The following PSMA2 variants were observed in gnomAD, a reference collection of about 807,000 sequenced individuals.
PSMA2 encodes the protein proteasome 20S subunit alpha 2.
Under a neutral mutation model 35.9 loss-of-function variants are expected in PSMA2, and 2 were observed. The ratio of observed to expected loss-of-function variants is 0.06; its 90% confidence interval spans 0.02 to 0.18. PSMA2 has a LOEUF of 0.18. PSMA2 is among the 10% of genes least tolerant of loss of function. The pLI is 1.00. For missense variants in PSMA2, 126 were observed against 278.8 expected (o/e 0.45, Z 3.90); for synonymous variants, 97 against 98.2 (o/e 0.99, Z 0.07).
chr7:42,925,700 T>C (rs1477826972), intron 3 of PSMA2, among the ~76,000 whole-genome samples: 2 of 152,240 alleles, frequency 1.3e-5, no homozygotes, highest in Non-Finnish European at 1.5e-5. Context: ...CATATACTAC[T>C]GATCTGAAAT....
chr7:42,929,563 T>C (rs955096617), intron 1 of PSMA2, among the ~76,000 whole-genome samples: 18 of 152,178 alleles, frequency 1.2e-4, no homozygotes, highest in Non-Finnish European at 1.9e-4. Flanking sequence ...TCCCATTCCA[T>C]AGCATCAGCA....
chr7:42,923,214 G>C (rs956335964), intron 5 of PSMA2, 111 bp downstream of exon 5: 4 of 831,910 alleles, frequency 4.8e-6, no homozygotes, highest in Non-Finnish European at 7.6e-6. Flanking sequence ...TAAAGCCCAA[G>C]AGAAAAGAAG....
chr7:42,931,503 CAA>C (rs1327327037), intron 1 of PSMA2, among the ~76,000 whole-genome samples: 14 of 142,272 alleles, frequency 9.8e-5, no homozygotes, highest in Non-Finnish European at 1.8e-4. Context: ...CCCAGTCCAC[CAA>C]AAAAAGACCA....
chr7:42,919,690 C>T (rs1786095806), intron 6 of PSMA2: 2 of 552,800 alleles, frequency 3.6e-6, no homozygotes, highest in Admixed American at 2.8e-5. Context: ...AAGTTTGGAA[C>T]CAATTAAATC....
chr7:42,926,737 T>C, intron 2 of PSMA2, 69 bp from the exon 3 acceptor site: 4 of 1,459,144 alleles, frequency 2.7e-6, no homozygotes, highest in Non-Finnish European at 3.6e-6. Flanking sequence ...TTTCTAATTA[T>C]GGATGCGCTA....
chr7:42,927,291 C>T (rs1786229470), intron 2 of PSMA2, 92 bp downstream of exon 2: 1 of 1,136,450 alleles, frequency 8.8e-7, no homozygotes, highest in Admixed American at 2.0e-5. Context: ...AATTATACTG[C>T]TGCAGCTCTG....
Position 42,921,941 on chromosome 7 carries a change from A to C in PSMA2, c.457-10T>G, listed in dbSNP as rs776940512. The C allele has an allele frequency of 7.5e-6, 12 of 1,603,864 alleles. No homozygotes were observed. The highest frequency in any genetic ancestry group is 1.0e-5 in the Non-Finnish European group (12 of 1,173,132). On this transcript the variant is annotated splice_polypyrimidine_tract_variant and intron_variant, in intron 5 of 7. Transcript: ENST00000223321. ...AGGCAAAGTAAGCTCCCTAATCAGGAAAGAAAGAGTAAAAAACCATATTTT... is the reference window on the plus strand; with the variant it reads ...AGGCAAAGTAAGCTCCCTAATCAGGCAAGAAAGAGTAAAAAACCATATTTT...
At chr7:42,919,532 C>A (rs1786091063) in intron 6 of PSMA2, 3 of 513,206 alleles carry the variant, frequency 5.8e-6, no homozygotes, top group Non-Finnish European at 7.7e-6. Context: ...CTTCTGATGA[C>A]AAAACTGTTA....
intron 6 of PSMA2, chr7:42,920,213 T>G: frequency 3.4e-6 from 1 of 294,780 alleles, no homozygotes; most frequent in Non-Finnish European, 6.5e-6. Context: ...ATGAGGAATA[T>G]GAATTAGCTC....
rs747406381 is a variant in PSMA2 at position 42,924,715 on chromosome 7, G to C, written c.334C>G (p.Gln112Glu). 27 of 1,613,128 alleles carry C rather than the reference G, an allele frequency of 1.7e-5. No homozygotes were observed. Among genetic ancestry groups the C allele is most frequent in the Non-Finnish European group, 3.4e-6 (4 of 1,179,456 alleles). ...TCTTGCATCACAGAAGCTACTCTCT[G>C]TACCAGCTGAGCTGTAGGAATGGGT... ...QEPIPTAQLV[Q>E]RVASVMQEYT... The change falls in exon 4 of 8, where the codon CAG becomes GAG. Residue 112 changes from glutamine (Q) to glutamate (E), a missense_variant. Physicochemically the swap from Gln to Glu is conservative, Grantham distance 29. Transcript: ENST00000223321.
At chr7:42,929,070 T>C (rs1786255647) in intron 1 of PSMA2, among the ~76,000 whole-genome samples, 1 of 152,066 alleles carries the variant, frequency 6.6e-6, no homozygotes, top group Admixed American at 6.6e-5. Flanking sequence ...CCTCGGTCTC[T>C]TTATTATTTT....
Position 42,926,646 on chromosome 7 carries a change from T to G in PSMA2, c.141A>C (p.Ala47=), listed in dbSNP as rs779155275. 2.5e-5 allele frequency: 40 copies of G among 1,607,826 alleles called. No homozygotes were observed. In the South Asian group the frequency reaches 4.5e-4, roughly 18 times the overall value. The stretch of plus-strand genomic sequence containing the variant: ...GAATGGATTTCTGTTTTTTCTCAGT[T>G]GCTAATACCACACCATTTGCAGCTT... ...GIKAANGVVL[A]TEKKQKSILY... The change falls in exon 3 of 8, where the codon GCA becomes GCC. Residue 47 remains alanine, a synonymous_variant. Transcript: ENST00000223321.
At chr7:42,920,518 T>C (rs1786109975) in intron 6 of PSMA2, 1 of 152,328 alleles carries the variant, frequency 6.6e-6, no homozygotes, top group East Asian at 1.9e-4. Flanking sequence ...ATAAAGTAAC[T>C]GGTTTAATTT....
In PSMA2 at chr7:42,921,742, C is replaced by A. The variant is rs990251632; in HGVS notation, c.530+116G>T. 19 of 742,102 alleles carry A rather than the reference C, an allele frequency of 2.6e-5. No homozygotes were observed. The Admixed American group carries it at 5.1e-4, about 20-fold the overall frequency. 46.0% of individuals were successfully genotyped at this position (742,102 alleles called of 1,614,324 possible). ...TTTTTGGTTTATCTGTAACTAGATT[C>A]ATATACAGAGTAATATAGCAAGTTT... On this transcript the variant is annotated intron_variant, in intron 6 of 7. Coordinates refer to ENST00000223321, the MANE Select transcript of PSMA2 (RefSeq NM_002787.5).
chr7:42,923,353 C>T lies in PSMA2; in HGVS notation c.428G>A (p.Arg143Gln), dbSNP rs369475667. ...SLLICGWNEGRPYLFQSDPSG... is the reference protein window; with the variant it reads ...SLLICGWNEGQPYLFQSDPSG... ...TGGATCTGACTGAAATAAATATGGT[C>T]GTCCCTCATTCCAACCACAAATAAG... Residue 143 changes from arginine (R) to glutamine (Q), a missense_variant, in exon 5 of 8, where the codon CGA becomes CAA. This residue lies in a region of PSMA2 where 6 missense variants were observed against 44.0 expected (regional missense o/e 0.14). Coordinates refer to ENST00000223321, the MANE Select transcript of PSMA2 (RefSeq NM_002787.5). 12 of 1,611,210 alleles carry T rather than the reference C, an allele frequency of 7.4e-6. No homozygotes were observed. The highest frequency in any genetic ancestry group is 2.7e-5 in the African/African-American group (2 of 74,828).
chr7:42,919,180 C>T (rs1342924627), intron 6 of PSMA2: 1 of 584,570 alleles, frequency 1.7e-6, no homozygotes, highest in Non-Finnish European at 3.3e-6. Context: ...TATGCTATGC[C>T]AGGGAGATAC....
Position 42,917,787 on chromosome 7 carries a change from T to C in PSMA2, c.579A>G (p.Leu193=). ...ELEDAIHTAI[L]TLKESFEGQM... ...TGAATACTGAGCTAACCTTTAGGGT[T>C]AAGATGGCTGTATGAATGGCATCTT... is the stretch of plus-strand genomic sequence containing the variant. The change falls in exon 7 of 8, where the codon TTA becomes TTG. Residue 193 remains leucine (L), a synonymous_variant. Coordinates refer to ENST00000223321, the MANE Select transcript of PSMA2 (RefSeq NM_002787.5). The C allele has an allele frequency of 6.2e-7, 1 of 1,611,048 alleles. No individual in the cohort carries two copies. Among genetic ancestry groups the C allele is most frequent in the Non-Finnish European group, 8.5e-7 (1 of 1,177,936 alleles).
chr7:42,928,884 T>G (rs1353312006), intron 1 of PSMA2, among the ~76,000 whole-genome samples: 2 of 152,180 alleles, frequency 1.3e-5, no homozygotes, highest in Non-Finnish European at 2.9e-5. Flanking sequence ...TAAGGGAAGT[T>G]GCCCTGAACC....
chr7:42,926,031 C>T (rs1227697783), intron 3 of PSMA2, among the ~76,000 whole-genome samples: 1 of 152,188 alleles, frequency 6.6e-6, no homozygotes, highest in African/African-American at 2.4e-5. Context: ...GGGGTGATTA[C>T]ACAAGCATTG....
Sources: gnomAD v4.1 joint callset for allele counts (sites outside exome capture counted in the v4.1 genomes callset) on GRCh38, gnomAD v4.1.1 for gene constraint, gnomAD v4.1.1 regional missense constraint, MANE v1.5 for transcripts, NCBI Gene and HGNC (gene_info 2026-07-23, HGNC 2026-07-21) for gene names.